The following TNR variants were observed in gnomAD, a reference collection of about 807,000 sequenced individuals.
TNR encodes the protein tenascin R, also known as tenascin-R.
A neutral mutation model predicts 150.4 loss-of-function variants in TNR; 45 were observed. The observed-to-expected ratio is 0.30, with a 90% CI of 0.24 to 0.38. The LOEUF (loss-of-function observed/expected upper bound fraction) is 0.38, where lower values mean the gene tolerates loss of function less well. Among genes scored for constraint, TNR ranks in the 10% least tolerant of loss-of-function variants. The pLI is 1.00. For synonymous variants in TNR, 687 were observed against 678.4 expected (o/e 1.01, Z -0.20); for missense variants, 1,544 against 1,759.1 (o/e 0.88, Z 2.19).
intron 1 of TNR, among the ~76,000 whole-genome samples, chr1:175,598,388 T>A (rs896892341): frequency 1.3e-5 from 2 of 152,236 alleles, no homozygotes; most frequent in Non-Finnish European, 2.9e-5. Context: ...ATTGAAAACA[T>A]AATAACAAAT....
intron 1 of TNR, among the ~76,000 whole-genome samples, chr1:175,545,062 A>C (rs1660634459): frequency 6.6e-6 from 1 of 152,228 alleles, no homozygotes; most frequent in South Asian, 2.1e-4. Flanking sequence ...CTGATGTAAA[A>C]TTTGAGCATA....
chr1:175,382,901 A>C, intron 8 of TNR, among the ~76,000 whole-genome samples: 2 of 121,896 alleles, frequency 1.6e-5, no homozygotes, highest in African/African-American at 6.0e-5. Context: ...ACTCCATCTC[A>C]AAAAAAAAAA....
intron 1 of TNR, among the ~76,000 whole-genome samples, chr1:175,600,493 A>G (rs866383042): frequency 1.5e-4 from 23 of 152,354 alleles, no homozygotes; most frequent in African/African-American, 4.8e-4. Flanking sequence ...GTTTATGTCT[A>G]TACATGAGAT....
intron 2 of TNR, among the ~76,000 whole-genome samples, chr1:175,457,734 T>C (rs148861009): frequency 1.5e-3 from 231 of 152,370 alleles, no homozygotes; most frequent in African/African-American, 5.5e-3. Flanking sequence ...GTGTGTATAA[T>C]ACATCTAACA....
intron 15 of TNR, among the ~76,000 whole-genome samples, 163 bp from the exon 16 acceptor site, chr1:175,356,625 C>T (rs1651342403): frequency 1.3e-5 from 2 of 151,426 alleles, no homozygotes; most frequent in African/African-American, 4.9e-5. Flanking sequence ...CAAGGATTCC[C>T]CTCTCATCTC....
intron 2 of TNR, among the ~76,000 whole-genome samples, chr1:175,428,686 G>T (rs1655122751): frequency 6.6e-6 from 1 of 152,130 alleles, no homozygotes; most frequent in Non-Finnish European, 1.5e-5. Context: ...GGAATAAAGT[G>T]TCCACCATTG....
chr1:175,719,716 G>T (rs1337646838), intron 1 of TNR, among the ~76,000 whole-genome samples: 1 of 152,188 alleles, frequency 6.6e-6, no homozygotes, highest in Non-Finnish European at 1.5e-5. Context: ...GCTGTGACTA[G>T]GACACAATGA....
chr1:175,337,730 A>C (rs749123670), intron 18 of TNR, 51 bp from the exon 19 acceptor site: 4 of 1,597,022 alleles, frequency 2.5e-6, no homozygotes, highest in Non-Finnish European at 3.4e-6. Context: ...CTCACAGTGC[A>C]CAAGAGCTCC....
At chr1:175,730,688 G>C (rs1274686876) in intron 1 of TNR, among the ~76,000 whole-genome samples, 4 of 152,204 alleles carry the variant, frequency 2.6e-5, no homozygotes, top group African/African-American at 9.6e-5. Flanking sequence ...TATTGGGAGG[G>C]AACGGACAAT....
Position 175,390,093 on chromosome 1 carries a change from C to A in TNR, c.1507+1195G>T, listed in dbSNP as rs549410076. On this transcript the variant is annotated intron_variant, in intron 7 of 22. Transcript: ENST00000367674. ...CTAGCCTCAAGGCACTGCCATAGAA[C>A]CTTGGTGCACTAATGGAACACAAGC... is the stretch of plus-strand genomic sequence containing the variant. 9.0e-4 allele frequency among the ~76,000 whole-genome samples: 137 copies of A among 152,294 alleles called. 4 individuals are homozygous for A. In the South Asian group the frequency reaches 0.027, roughly 30 times the overall value.
chr1:175,523,775 T>A (rs7538019), intron 2 of TNR, among the ~76,000 whole-genome samples: 1 of 152,168 alleles, frequency 6.6e-6, no homozygotes, highest in Non-Finnish European at 1.5e-5. Flanking sequence ...CATGATCATG[T>A]CACTCCTGCC....
intron 1 of TNR, among the ~76,000 whole-genome samples, chr1:175,534,177 G>T (rs1291988064): frequency 6.6e-6 from 1 of 152,208 alleles, no homozygotes; most frequent in Non-Finnish European, 1.5e-5. Context: ...GCTGAGGCTG[G>T]CCATGCCTGG....
intron 4 of TNR, among the ~76,000 whole-genome samples, chr1:175,400,791 CA>C (rs1429145929): frequency 6.6e-6 from 1 of 152,134 alleles, no homozygotes; most frequent in Non-Finnish European, 1.5e-5. Context: ...TGCACCCGGC[CA>C]GGAACGTCAA....
intron 2 of TNR, among the ~76,000 whole-genome samples, chr1:175,473,641 C>T (rs901694791): frequency 1.3e-5 from 2 of 152,162 alleles, no homozygotes; most frequent in Non-Finnish European, 2.9e-5. Flanking sequence ...TTGGGTGGCT[C>T]CTGCCCCTTG....
At chr1:175,498,843 C>A (rs772664188) in intron 2 of TNR, among the ~76,000 whole-genome samples, 123 of 152,274 alleles carry the variant, frequency 8.1e-4, no homozygotes, top group Non-Finnish European at 1.3e-3. Flanking sequence ...CACATATAAC[C>A]GTTAGTATCA....
intron 2 of TNR, among the ~76,000 whole-genome samples, chr1:175,510,970 A>G (rs1173806161): frequency 6.6e-6 from 1 of 152,240 alleles, no homozygotes; most frequent in Non-Finnish European, 1.5e-5. Context: ...TTAGCTGCTT[A>G]TATGGCAAAA....
chr1:175,742,048 C>T (rs1239132291), intron 1 of TNR, among the ~76,000 whole-genome samples: 5 of 152,222 alleles, frequency 3.3e-5, no homozygotes, highest in Non-Finnish European at 7.3e-5. Context: ...AAATCCTCAA[C>T]ACCACTTGTT....
chr1:175,418,120 G>T (rs941937148), intron 2 of TNR, among the ~76,000 whole-genome samples: 1 of 152,122 alleles, frequency 6.6e-6, no homozygotes, highest in Admixed American at 6.5e-5. Context: ...AGCAAAACCT[G>T]CTTAATTAAA....
At chr1:175,563,213 T>C (rs1661500989) in intron 1 of TNR, among the ~76,000 whole-genome samples, 1 of 152,220 alleles carries the variant, frequency 6.6e-6, no homozygotes, top group South Asian at 2.1e-4. Context: ...ATTTGCCCTC[T>C]TTTAGATTGG....
Sources: gnomAD v4.1 joint callset for allele counts (sites outside exome capture counted in the v4.1 genomes callset) on GRCh38, gnomAD v4.1.1 for gene constraint, MANE v1.5 for transcripts, NCBI Gene and HGNC (gene_info 2026-07-23, HGNC 2026-07-21) for gene names.